Variants in WIPI2 observed in about 807,000 individuals in gnomAD.
WIPI2 encodes WD repeat domain phosphoinositide-interacting protein 2.
WIPI2 carries 28 observed loss-of-function variants against 52.3 expected under a neutral mutation model. The observed-to-expected ratio is 0.54, with a 90% CI of 0.40 to 0.73. WIPI2 has a LOEUF of 0.73. WIPI2 is among the 30% of genes least tolerant of loss of function. WIPI2 has a pLI of 0.00. For missense variants in WIPI2, 506 were observed against 602.9 expected (o/e 0.84, Z 1.68); for synonymous variants, 268 against 245.0 (o/e 1.09, Z -0.88).
intron 3 of WIPI2, among the ~76,000 whole-genome samples, chr7:5,210,345 G>T (rs1782494314): frequency 6.6e-6 from 1 of 152,214 alleles, no homozygotes; most frequent in South Asian, 2.1e-4. Flanking sequence ...CCCAGACTCA[G>T]GGGACGTGTC....
In WIPI2 at chr7:5,231,659, T is replaced by C. The variant is rs1453214284; in HGVS notation, c.*712T>C. On this transcript the variant is annotated 3_prime_UTR_variant, in exon 13 of 13. Transcript: ENST00000288828. ...CAGCAAATGAACTTGAAAGGTTGCC[T>C]GGACTCGCTGGAGCAAAGGAAAGCG... is the stretch of plus-strand genomic sequence containing the variant. 1.3e-5 allele frequency: 2 copies of C among 152,510 alleles called. No homozygotes were observed. The highest frequency in any genetic ancestry group is 2.4e-5 in the African/African-American group (1 of 41,442). 9.4% of individuals were successfully genotyped at this position (152,510 alleles called of 1,614,324 possible).
chr7:5,204,083 T>G (rs908575705), intron 3 of WIPI2, among the ~76,000 whole-genome samples: 1 of 152,222 alleles, frequency 6.6e-6, no homozygotes, highest in South Asian at 2.1e-4. Flanking sequence ...CCACCATTAT[T>G]TCATGGGAGG....
chr7:5,223,117 G>A (rs1025532883), intron 8 of WIPI2, among the ~76,000 whole-genome samples: 2 of 152,178 alleles, frequency 1.3e-5, no homozygotes, highest in Admixed American at 1.3e-4. Context: ...GAGTTCTCTT[G>A]TCTTCCTCCC....
intron 3 of WIPI2, among the ~76,000 whole-genome samples, chr7:5,207,078 T>TTGTG (rs35995778): frequency 2.4e-4 from 36 of 151,838 alleles, no homozygotes; most frequent in East Asian, 7.7e-4. Context: ...TGGCTTTATT[T>TTGTG]TGTGTGTGTG....
chr7:5,199,350 G>A (rs1368937199), intron 2 of WIPI2, among the ~76,000 whole-genome samples: 1 of 152,170 alleles, frequency 6.6e-6, no homozygotes, highest in East Asian at 1.9e-4. Context: ...CCTCAGAAAA[G>A]TTTTATAGGA....
chr7:5,223,502 G>A (rs957897299), intron 8 of WIPI2, among the ~76,000 whole-genome samples: 5 of 152,160 alleles, frequency 3.3e-5, no homozygotes, highest in Non-Finnish European at 7.4e-5. Context: ...GCCTCCTCGT[G>A]TCCCTTGGTC....
At chr7:5,213,896 A>T (rs4720532) in intron 3 of WIPI2, among the ~76,000 whole-genome samples, 126,921 of 152,080 alleles carry the variant, frequency 0.83, 52,985 homozygotes, top group East Asian at 0.96. Context: ...CATGTTAGCC[A>T]GGATGGTCTT....
intron 3 of WIPI2, among the ~76,000 whole-genome samples, chr7:5,207,101 G>A (rs10269193): frequency 0.033 from 4,984 of 152,160 alleles, 105 homozygotes; most frequent in Middle Eastern, 0.099. Context: ...TGCATTTCCA[G>A]GTAGACGGCA....
At position 5,217,952 on chromosome 7, in the gene WIPI2, A is replaced by C. The variant is rs1192955375; in HGVS notation, c.607A>C (p.Ser203Arg). 5 of 1,614,122 alleles carry C rather than the reference A, an allele frequency of 3.1e-6. No individual in the cohort carries two copies. Among genetic ancestry groups the C allele is most frequent in the Non-Finnish European group, 4.2e-6 (5 of 1,180,046 alleles). The change falls in exon 7 of 13, where the codon AGT becomes CGT. Residue 203 changes from serine to arginine, a missense_variant. By Grantham distance (110) the Ser-to-Arg change is moderately radical. Transcript: ENST00000288828. ...TGCAAACATGATTCCGGCTCACGAC[A>C]GTCCTTTAGCGGCACTGGCCTTTGA... Reference protein sequence around the residue: ...RAANMIPAHDSPLAALAFDAS... With the variant: ...RAANMIPAHDRPLAALAFDAS...
At chr7:5,193,215 TTA>T (rs1475237668) in intron 2 of WIPI2, 44 bp downstream of exon 2, 1 of 1,602,130 alleles carries the variant, frequency 6.2e-7, no homozygotes. Context: ...CTTGGAAGGC[TTA>T]TGTTAGAGGA....
Position 5,230,073 on chromosome 7 carries a change from C to A in WIPI2, c.1252+335C>A, listed in dbSNP as rs1181458892. Among the ~76,000 whole-genome samples the A allele has an allele frequency of 6.6e-6, 1 of 151,942 alleles. No individual in the cohort carries two copies. The highest frequency in any genetic ancestry group is 1.5e-5 in the Non-Finnish European group (1 of 67,976). On this transcript the variant is annotated intron_variant, in intron 12 of 12. Coordinates refer to ENST00000288828, the MANE Select transcript of WIPI2 (RefSeq NM_015610.4). This position sits in a 1 kb window ranked among gnomAD's most constrained non-coding sequence, Gnocchi z 4.8. ...TAGGCATGAGCCACCGTACCAGGCT[C>A]ATTTTCTCCGTTTTTAAAGAAAATG...
rs891676759 is a variant in WIPI2 at position 5,190,614 on chromosome 7, C to A, written c.74+121C>A. On this transcript the variant is annotated intron_variant, in intron 1 of 12. Transcript: ENST00000288828. ...CTCGGCCTCCCCGCGGGCCAAGGCG[C>A]GCAGAGGCGTCCCCAGGGGCGGGCC... 6.9e-6 allele frequency: 7 copies of A among 1,019,616 alleles called. No individual in the cohort carries two copies. In the Admixed American group the frequency reaches 2.6e-4, roughly 38 times the overall value. The allele number at this position is 1,019,616 out of a possible 1,614,324, so 63.2% of individuals were successfully genotyped here. A position where few individuals can be genotyped will look rare whatever the true frequency, so the allele number is the denominator to read the frequency against.
At chr7:5,200,511 T>G (rs1236843766) in intron 3 of WIPI2, among the ~76,000 whole-genome samples, 1 of 152,038 alleles carries the variant, frequency 6.6e-6, no homozygotes, top group African/African-American at 2.4e-5. Flanking sequence ...TCTCCAGTCC[T>G]CCTTGTGCTC....
intron 11 of WIPI2, among the ~76,000 whole-genome samples, chr7:5,228,493 G>A (rs1338733337): frequency 6.6e-6 from 1 of 152,216 alleles, no homozygotes; most frequent in African/African-American, 2.4e-5. Flanking sequence ...TTGTTCTTAG[G>A]TGGGGGAGAG....
At chr7:5,228,304 C>A in intron 11 of WIPI2, 93 bp downstream of exon 11, 1 of 1,202,846 alleles carries the variant, frequency 8.3e-7, no homozygotes. Flanking sequence ...CCTTGCAAAC[C>A]AGTGACATAG....
At chr7:5,192,789 C>T (rs984554593) in intron 1 of WIPI2, among the ~76,000 whole-genome samples, 3 of 152,168 alleles carry the variant, frequency 2.0e-5, no homozygotes, top group African/African-American at 7.2e-5. Context: ...CTTTTCCTCC[C>T]TTCTTAATCT....
In WIPI2 at chr7:5,190,273, GA is replaced by G. The variant is rs886482079; in HGVS notation, c.-146del. On this transcript the variant is annotated 5_prime_UTR_variant, in exon 1 of 13. Coordinates refer to ENST00000288828, the MANE Select transcript of WIPI2 (RefSeq NM_015610.4). Reference sequence around the variant, plus strand: ...GCTCTGGAGCATAAACAAGAGCGGGGACGGGATGAGGCGGCGGTTGATCCCA... The same window carrying G: ...GCTCTGGAGCATAAACAAGAGCGGGGCGGGATGAGGCGGCGGTTGATCCCA... 1 of 392,880 alleles carries G rather than the reference GA, an allele frequency of 2.5e-6. No homozygotes were observed. The highest frequency in any genetic ancestry group is 2.1e-5 in the African/African-American group (1 of 46,782). 24.3% of individuals were successfully genotyped at this position (392,880 alleles called of 1,614,324 possible).
intron 2 of WIPI2, among the ~76,000 whole-genome samples, chr7:5,194,769 A>G (rs1011757874): frequency 6.6e-6 from 1 of 152,158 alleles, no homozygotes; most frequent in Non-Finnish European, 1.5e-5. Flanking sequence ...CTTGACCTCA[A>G]AAAGATATTT....
intron 2 of WIPI2, 45 bp downstream of exon 2, chr7:5,193,216 T>C: frequency 6.2e-7 from 1 of 1,601,818 alleles, no homozygotes; most frequent in Non-Finnish European, 8.5e-7. Flanking sequence ...TTGGAAGGCT[T>C]ATGTTAGAGG....
Sources: gnomAD v4.1 joint callset for allele counts (sites outside exome capture counted in the v4.1 genomes callset) on GRCh38, gnomAD v4.1.1 for gene constraint, Gnocchi (gnomAD v3.1) non-coding constraint, MANE v1.5 for transcripts, NCBI Gene and HGNC (gene_info 2026-07-23, HGNC 2026-07-21) for gene names.